Variants in ZNF721 observed in about 807,000 individuals in gnomAD.
The protein encoded by ZNF721 is zinc finger protein 721.
A neutral mutation model predicts 2.4 loss-of-function variants in ZNF721; 2 were observed. The observed-to-expected ratio is 0.82, with a 90% confidence interval of 0.34 to 2.58. The LOEUF (loss-of-function observed/expected upper bound fraction) is 2.58. ZNF721 is among the 30% of genes most tolerant of loss of function. The pLI is 0.11. For missense variants in ZNF721, 1,187 were observed against 1,085.5 expected (o/e 1.09, Z -1.31); for synonymous variants, 398 against 381.8 (o/e 1.04, Z -0.50).
intron 2 of ZNF721, among the ~76,000 whole-genome samples, chr4:471,925 A>C (rs1463394711): frequency 2.6e-5 from 4 of 152,242 alleles, no homozygotes; most frequent in East Asian, 1.9e-4. Context: ...CATGTCACAC[A>C]AACACAGATG....
At chr4:456,871 C>G (rs1005080546) in intron 2 of ZNF721, among the ~76,000 whole-genome samples, 1 of 151,936 alleles carries the variant, frequency 6.6e-6, no homozygotes, top group African/African-American at 2.4e-5. Flanking sequence ...AAGCGAGACT[C>G]CATAATTAAT....
intron 2 of ZNF721, among the ~76,000 whole-genome samples, chr4:470,010 G>GTAGCTAGGACTACAGGCATCCGCCA (rs1332617337): frequency 6.6e-6 from 1 of 152,132 alleles, no homozygotes; most frequent in Non-Finnish European, 1.5e-5. Context: ...AGCCTCCCGA[G>GTAGCTAGGACTACAGGCATCCGCCA]TAGCTAGGAC....
intron 2 of ZNF721, among the ~76,000 whole-genome samples, chr4:466,257 AT>A (rs1553866762): frequency 6.6e-6 from 1 of 152,242 alleles, no homozygotes; most frequent in Non-Finnish European, 1.5e-5. Context: ...ACTCGCACAC[AT>A]GCTGTCTTCA....
At chr4:472,317 C>T (rs1381412156) in intron 2 of ZNF721, among the ~76,000 whole-genome samples, 1 of 152,242 alleles carries the variant, frequency 6.6e-6, no homozygotes, top group Non-Finnish European at 1.5e-5. Flanking sequence ...ACCTCAGCCT[C>T]CCAAAGTGCT....
At chr4:495,199 A>T (rs1277770238) in intron 1 of ZNF721, among the ~76,000 whole-genome samples, 3 of 151,882 alleles carry the variant, frequency 2.0e-5, no homozygotes, top group African/African-American at 7.3e-5. Context: ...TTTTTTAACA[A>T]AGACATTTTT....
intron 1 of ZNF721, among the ~76,000 whole-genome samples, chr4:481,603 C>G (rs571298818): frequency 2.6e-4 from 39 of 149,394 alleles, no homozygotes; most frequent in African/African-American, 9.6e-4. Flanking sequence ...CAGTCTCCCT[C>G]TGTCGCCAAG....
rs1560223431 is a variant in ZNF721, at chr4:442,700, C to T, written c.1767G>A (p.Glu589=). Residue 589 remains glutamate (E), a synonymous_variant, in exon 3 of 3, where the codon GAG becomes GAA. Coordinates refer to ENST00000511833, the MANE Select transcript of ZNF721 (RefSeq NM_133474.4). ...TGTACCGTCCAAAGGCTTTGCCACA[C>T]TCTTCACATTTGTAAGGTTTCTCTC... The part of the protein sequence containing the change: ...HTGEKPYKCE[E]CGKAFGRYTD... 2 of 1,613,920 alleles carry T rather than the reference C, an allele frequency of 1.2e-6. No individual in the cohort carries two copies. The highest frequency in any genetic ancestry group is 1.7e-6 in the Non-Finnish European group (2 of 1,179,962).
intron 1 of ZNF721, among the ~76,000 whole-genome samples, chr4:490,649 C>T (rs1354190103): frequency 3.3e-5 from 5 of 152,122 alleles, no homozygotes; most frequent in African/African-American, 2.4e-5. Flanking sequence ...CAAAACACCA[C>T]AGGCCAGAAA....
At chr4:492,957 T>A (rs567659112) in intron 1 of ZNF721, among the ~76,000 whole-genome samples, 1 of 152,044 alleles carries the variant, frequency 6.6e-6, no homozygotes, top group Non-Finnish European at 1.5e-5. Flanking sequence ...TGGGAAAGGT[T>A]TTCCTCCAAT....
intron 2 of ZNF721, among the ~76,000 whole-genome samples, chr4:460,831 A>C (rs1715043153): frequency 6.6e-6 from 1 of 152,202 alleles, no homozygotes; most frequent in African/African-American, 2.4e-5. Context: ...CTACGCAAAT[A>C]AACTAGAAAA....
At chr4:490,817 G>A (rs889073907) in intron 1 of ZNF721, among the ~76,000 whole-genome samples, 8 of 152,148 alleles carry the variant, frequency 5.3e-5, no homozygotes, top group South Asian at 4.1e-4. Flanking sequence ...GGCTGGGCGC[G>A]GTGGCTCATG....
At position 487,894 on chromosome 4, in the gene ZNF721, C is replaced by T. The variant is rs185671731; in HGVS notation, c.-94+11162G>A. ...CACCCGAGTAGCAAAGGATCGAAGG[C>T]GACTGTCACTACAACCCTCCCCCTT... On this transcript the variant is annotated intron_variant, in intron 1 of 2. Coordinates refer to ENST00000511833, the MANE Select transcript of ZNF721 (RefSeq NM_133474.4). 1.6e-3 allele frequency among the ~76,000 whole-genome samples: 236 copies of T among 152,254 alleles called. 1 individual carries two copies. The highest frequency in any genetic ancestry group is 5.2e-3 in the African/African-American group (216 of 41,550).
At chr4:491,564 A>G (rs1177065708) in intron 1 of ZNF721, among the ~76,000 whole-genome samples, 2 of 152,260 alleles carry the variant, frequency 1.3e-5, no homozygotes, top group Non-Finnish European at 2.9e-5. Context: ...AATACAGGCA[A>G]CAGGTAGAGC....
intron 2 of ZNF721, among the ~76,000 whole-genome samples, chr4:449,756 A>C (rs1714588148): frequency 6.6e-6 from 1 of 152,200 alleles, no homozygotes; most frequent in Non-Finnish European, 1.5e-5. Flanking sequence ...AGACTTTAAG[A>C]GACCTTTTTC....
intron 2 of ZNF721, among the ~76,000 whole-genome samples, chr4:446,677 C>T (rs1714484772): frequency 6.6e-6 from 1 of 151,878 alleles, no homozygotes; most frequent in Admixed American, 6.6e-5. Flanking sequence ...CCACACCCAA[C>T]CCCGAATTTT....
intron 1 of ZNF721, among the ~76,000 whole-genome samples, chr4:481,336 T>C (rs1199865332): frequency 2.6e-5 from 4 of 152,220 alleles, no homozygotes; most frequent in African/African-American, 4.8e-5. Context: ...CTTGACAACA[T>C]TGACTCCCTT....
intron 2 of ZNF721, among the ~76,000 whole-genome samples, chr4:455,905 A>C (rs1553865365): frequency 6.6e-6 from 1 of 152,074 alleles, no homozygotes; most frequent in Non-Finnish European, 1.5e-5. Flanking sequence ...CATCTACCTA[A>C]AAAGGTTCCA....
At chr4:463,698 T>C (rs550142977) in intron 2 of ZNF721, among the ~76,000 whole-genome samples, 3 of 151,580 alleles carry the variant, frequency 2.0e-5, no homozygotes, top group Admixed American at 6.6e-5. Context: ...TAAGTGGGAG[T>C]TGAACAATGA....
intron 1 of ZNF721, among the ~76,000 whole-genome samples, chr4:486,283 C>T (rs1359766961): frequency 2.0e-5 from 3 of 151,876 alleles, no homozygotes; most frequent in African/African-American, 7.3e-5. Flanking sequence ...CTCCGCCTCC[C>T]GAGTAGCTGG....
Sources: gnomAD v4.1 joint callset for allele counts (sites outside exome capture counted in the v4.1 genomes callset) on GRCh38, gnomAD v4.1.1 for gene constraint, MANE v1.5 for transcripts, NCBI Gene and HGNC (gene_info 2026-07-23, HGNC 2026-07-21) for gene names.